Variants in POLR3F observed in about 807,000 individuals in gnomAD.
The protein encoded by POLR3F is DNA-directed RNA polymerase III subunit RPC6.
A neutral mutation model predicts 43.6 loss-of-function variants in POLR3F; 31 were observed. The observed-to-expected ratio is 0.71, with a 90% CI of 0.53 to 0.96. The LOEUF (loss-of-function observed/expected upper bound fraction) is 0.96, where lower values mean the gene tolerates loss of function less well. Among genes scored for constraint, POLR3F ranks in the 40% least tolerant of loss-of-function variants. POLR3F has a pLI of 0.00. For missense variants in POLR3F, 316 were observed against 391.7 expected (o/e 0.81, Z 1.63); for synonymous variants, 114 against 132.5 (o/e 0.86, Z 0.96).
At chr20:18,476,947 G>A (rs1198051138) in intron 5 of POLR3F, among the ~76,000 whole-genome samples, 2 of 152,054 alleles carry the variant, frequency 1.3e-5, no homozygotes. Context: ...GGTGGCACAT[G>A]TCTGTAATCC....
chr20:18,475,093 TC>T lies in POLR3F; in HGVS notation c.337del (p.Arg113AlafsTer8). ...CTTATAGGAATATGGAGCAGAGATA[TC>T]CGCTATAAAAGTAATTTGCCATTAA... ...AGNKGIWSRD[I>X]RYKSNLPLTE... On this transcript the variant is annotated frameshift_variant, in exon 5 of 9. Transcript: ENST00000377603. LOFTEE classifies it high-confidence loss of function. 1 of 1,436,062 alleles carries T rather than the reference TC, an allele frequency of 7.0e-7. No individual in the cohort carries two copies. The highest frequency in any genetic ancestry group is 9.8e-7 in the Non-Finnish European group (1 of 1,020,444). The allele number at this position is 1,436,062 out of a possible 1,614,324, so 89.0% of individuals were successfully genotyped here.
chr20:18,472,618 A>C (rs1390011016), intron 2 of POLR3F, among the ~76,000 whole-genome samples: 1 of 151,824 alleles, frequency 6.6e-6, no homozygotes, highest in Non-Finnish European at 1.5e-5. Flanking sequence ...TTTAATATAG[A>C]TTGTTATTCT....
At chr20:18,477,093 AAAAC>A (rs2059784506) in intron 5 of POLR3F, among the ~76,000 whole-genome samples, 1 of 151,960 alleles carries the variant, frequency 6.6e-6, no homozygotes, top group African/African-American at 2.4e-5. Flanking sequence ...AAAAAAAAAA[AAAAC>A]ACACAATGAA....
intron 2 of POLR3F, among the ~76,000 whole-genome samples, chr20:18,471,810 C>G (rs944848931): frequency 3.3e-5 from 5 of 152,212 alleles, no homozygotes; most frequent in Non-Finnish European, 5.9e-5. Context: ...TGGCCTAACC[C>G]TATCTCTACT....
intron 5 of POLR3F, among the ~76,000 whole-genome samples, chr20:18,479,017 C>T (rs576347010): frequency 1.1e-4 from 17 of 151,966 alleles, no homozygotes; most frequent in African/African-American, 3.6e-4. Flanking sequence ...TAGTGACGGG[C>T]GCCTGTAATC....
At chr20:18,476,238 A>T (rs556124527) in intron 5 of POLR3F, among the ~76,000 whole-genome samples, 26 of 152,316 alleles carry the variant, frequency 1.7e-4, no homozygotes, top group African/African-American at 6.0e-4. Flanking sequence ...AAATGTGGCC[A>T]CTAGTATTTG....
At chr20:18,473,941 G>T (rs112921358) in intron 4 of POLR3F, among the ~76,000 whole-genome samples, 3 of 152,088 alleles carry the variant, frequency 2.0e-5, no homozygotes, top group African/African-American at 7.2e-5. Flanking sequence ...TCTTCTACCC[G>T]CTTGAAGAAC....
chr20:18,480,000 A>C, intron 5 of POLR3F, 38 bp from the exon 6 acceptor site: 3 of 1,511,372 alleles, frequency 2.0e-6, no homozygotes, highest in Non-Finnish European at 2.7e-6. Context: ...GGAAATTGTT[A>C]TCTTATAAAC....
intron 8 of POLR3F, among the ~76,000 whole-genome samples, chr20:18,483,078 G>A (rs1601263482): frequency 6.6e-6 from 1 of 151,332 alleles, no homozygotes; most frequent in Admixed American, 6.6e-5. Context: ...CTCCCCCCTC[G>A]CCCCCCGAGA....
In POLR3F at chr20:18,483,860, C is replaced by T; in HGVS notation, c.*302C>T. ...TCTGATGGGTCAAGGAAAAAGATGCCAACATACCCGTATTTACCAAGTACT... is the reference window on the plus strand; with the variant it reads ...TCTGATGGGTCAAGGAAAAAGATGCTAACATACCCGTATTTACCAAGTACT... On this transcript the variant is annotated 3_prime_UTR_variant, in exon 9 of 9. Coordinates refer to ENST00000377603, the MANE Select transcript of POLR3F (RefSeq NM_006466.4). 2 of 393,106 alleles carry T rather than the reference C, an allele frequency of 5.1e-6. No homozygotes were observed. The highest frequency in any genetic ancestry group is 8.9e-6 in the Non-Finnish European group (2 of 223,790). The allele number at this position is 393,106 out of a possible 1,614,324, so 24.4% of individuals were successfully genotyped here.
In POLR3F at chr20:18,473,533, C is replaced by T. The variant is rs913566018; in HGVS notation, c.316+75C>T. ...ATATAGGGACCCAGATCTCAGCTTC[C>T]CAGGGTAGAACTCAGTGGACAGAGT... On this transcript the variant is annotated intron_variant, in intron 4 of 8. Transcript: ENST00000377603. 18 of 724,418 alleles carry T rather than the reference C, an allele frequency of 2.5e-5. No homozygotes were observed. In the African/African-American group the frequency reaches 2.8e-4, roughly 11 times the overall value. 44.9% of individuals were successfully genotyped at this position (724,418 alleles called of 1,614,324 possible).
rs376698127 is a variant in POLR3F, at chr20:18,473,348, C to T, written c.249-43C>T. 6.1e-5 allele frequency: 50 copies of T among 825,888 alleles called. No homozygotes were observed. The African/African-American group carries it at 7.4e-4, about 12-fold the overall frequency. The allele number at this position is 825,888 out of a possible 1,614,324, so 51.2% of individuals were successfully genotyped here. On this transcript the variant is annotated intron_variant, in intron 3 of 8. Transcript: ENST00000377603. The stretch of plus-strand genomic sequence containing the variant: ...GTAGTGATGTAGATTATTAGATTAT[C>T]CTATAGTCCTTACCTTACTAATTTT...
intron 2 of POLR3F, among the ~76,000 whole-genome samples, chr20:18,471,692 A>G (rs2059752148): frequency 6.6e-6 from 1 of 152,330 alleles, no homozygotes; most frequent in African/African-American, 2.4e-5. Flanking sequence ...GTTTTAAAAC[A>G]AGGGAATGGG....
Position 18,475,086 on chromosome 20 carries a change from A to C in POLR3F, c.328A>C (p.Arg110=). Residue 110 remains arginine (R), a synonymous_variant, in exon 5 of 9, where the codon AGA becomes CGA. Coordinates refer to ENST00000377603, the MANE Select transcript of POLR3F (RefSeq NM_006466.4). The part of the protein sequence containing the change: ...EDAGNKGIWS[R]DIRYKSNLPL... ...TTACTTTCTTATAGGAATATGGAGC[A>C]GAGATATCCGCTATAAAAGTAATTT... 1.5e-6 allele frequency: 2 copies of C among 1,368,090 alleles called. No individual in the cohort carries two copies. Among genetic ancestry groups the C allele is most frequent in the Non-Finnish European group, 2.1e-6 (2 of 960,196 alleles). 84.7% of individuals were successfully genotyped at this position (1,368,090 alleles called of 1,614,324 possible).
intron 2 of POLR3F, among the ~76,000 whole-genome samples, chr20:18,469,951 G>GAGCCC (rs1249616537): frequency 6.6e-6 from 1 of 152,180 alleles, no homozygotes; most frequent in Non-Finnish European, 1.5e-5. Flanking sequence ...AAGCAAGAAT[G>GAGCCC]AGTCCAGTTG....
Position 18,480,177 on chromosome 20 carries a change from C to A in POLR3F, c.569C>A (p.Ser190Tyr), listed in dbSNP as rs1264113702. ...CAACAGTGTTTTAAATTCCTACAGT[C>A]CAAGGTGAGGTATGATTGAGGAAAC... The part of the protein sequence containing the change: ...LNQQCFKFLQ[S>Y]KAETARESKQ... The change falls in exon 6 of 9, where the codon TCC becomes TAC. Residue 190 changes from serine to tyrosine, a missense_variant. Physicochemically the swap from Ser to Tyr is moderately radical, Grantham distance 144. This residue lies in a region of POLR3F where 109 missense variants were observed against 177.7 expected (regional missense o/e 0.61). Transcript: ENST00000377603. The A allele has an allele frequency of 6.2e-7, 1 of 1,610,626 alleles. No homozygotes were observed. The highest frequency in any genetic ancestry group is 1.7e-5 in the Admixed American group (1 of 59,626).
At position 18,467,492 on chromosome 20, in the gene POLR3F, AG is replaced by A. The variant is rs1468884148; in HGVS notation, c.-13del. The A allele has an allele frequency of 1.2e-6, 2 of 1,614,184 alleles. No homozygotes were observed. The highest frequency in any genetic ancestry group is 2.2e-5 in the South Asian group (2 of 91,086). On this transcript the variant is annotated 5_prime_UTR_variant, in exon 1 of 9. Coordinates refer to ENST00000377603, the MANE Select transcript of POLR3F (RefSeq NM_006466.4). ...CCGTGCATCTTTCCCCCCAGGCGTC[AG>A]GAACTGCGCCCTCATGGCGGAGGTG...
At chr20:18,476,361 TC>T (rs1341447998) in intron 5 of POLR3F, among the ~76,000 whole-genome samples, 2 of 152,250 alleles carry the variant, frequency 1.3e-5, no homozygotes, top group Non-Finnish European at 2.9e-5. Flanking sequence ...GAATATGTAG[TC>T]TTTTATGTAT....
At chr20:18,481,388 C>G (rs1203984364) in intron 7 of POLR3F, among the ~76,000 whole-genome samples, 1 of 123,170 alleles carries the variant, frequency 8.1e-6, no homozygotes, top group Non-Finnish European at 1.7e-5. Context: ...ATTACAAGTG[C>G]CTGCCACCAT....
Sources: gnomAD v4.1 joint callset for allele counts (sites outside exome capture counted in the v4.1 genomes callset) on GRCh38, gnomAD v4.1.1 for gene constraint, gnomAD v4.1.1 regional missense constraint, MANE v1.5 for transcripts, NCBI Gene and HGNC (gene_info 2026-07-23, HGNC 2026-07-21) for gene names.